Variants in GOLGA8A observed in about 807,000 individuals in gnomAD.
GOLGA8A encodes the protein golgin subfamily A member 8A.
GOLGA8A carries 3 observed loss-of-function variants against 22.1 expected under a neutral mutation model. The observed-to-expected ratio is 0.14, with a 90% CI of 0.06 to 0.35. GOLGA8A has a LOEUF of 0.35. Ranked by LOEUF, GOLGA8A falls within the 10% of genes least tolerant of loss-of-function variation. The pLI is 1.00. For synonymous variants in GOLGA8A, 7 were observed against 91.7 expected, an observed-to-expected ratio of 0.08 and a Z score of 5.28; for missense variants, 16 against 233.2, an observed-to-expected ratio of 0.07 and a Z score of 6.07.
chr15:34,412,731 C>T (rs1892483544), intron 2 of GOLGA8A, among the ~76,000 whole-genome samples: 1 of 140,334 alleles, frequency 7.1e-6, no homozygotes, highest in South Asian at 2.6e-4. Flanking sequence ...AGCCATTCCC[C>T]AGCCCTCAAA....
At chr15:34,424,867 A>C (rs1892919952) in intron 2 of GOLGA8A, among the ~76,000 whole-genome samples, 1 of 135,564 alleles carries the variant, frequency 7.4e-6, no homozygotes, top group Admixed American at 7.8e-5. Context: ...TGGGAGGCCA[A>C]GGCAAGAGGA....
Position 34,431,310 on chromosome 15 carries a change from T to C in GOLGA8A, c.-1123+4073A>G, listed in dbSNP as rs1181075604. The stretch of plus-strand genomic sequence containing the variant: ...AAAAAATTATATATATATATATATA[T>C]ACATATATATATATATATATATATA... On this transcript the variant is annotated intron_variant, in intron 2 of 24. Transcript: ENST00000359187. Among the ~76,000 whole-genome samples the C allele has an allele frequency of 2.7e-3, 68 of 25,536 alleles. 5 individuals are homozygous for C. The highest frequency in any genetic ancestry group is 8.9e-3 in the African/African-American group (62 of 6,936). 16.8% of individuals were successfully genotyped at this position (25,536 alleles called of 152,430 possible). A position where few individuals can be genotyped will look rare whatever the true frequency, so the allele number is the denominator to read the frequency against.
intron 2 of GOLGA8A, among the ~76,000 whole-genome samples, chr15:34,424,563 C>T (rs1892907804): frequency 7.0e-6 from 1 of 142,966 alleles, no homozygotes; most frequent in Non-Finnish European, 1.5e-5. Flanking sequence ...GAAAACAAGG[C>T]AAGAGGAGGG....
At chr15:34,432,374 A>G (rs547633427) in intron 2 of GOLGA8A, among the ~76,000 whole-genome samples, 9 of 148,668 alleles carry the variant, frequency 6.1e-5, no homozygotes, top group Admixed American at 2.0e-4. Flanking sequence ...CCCCAGCAGG[A>G]GACAGGGACA....
intron 2 of GOLGA8A, among the ~76,000 whole-genome samples, chr15:34,422,704 CGTGCGCTT>C (rs1333595655): frequency 3.4e-5 from 3 of 89,094 alleles, no homozygotes; most frequent in Admixed American, 1.5e-4. Flanking sequence ...CGCTCGCGCT[CGTGCGCTT>C]GTGCGCTCTC....
chr15:34,410,773 C>G (rs1375460307), intron 2 of GOLGA8A, among the ~76,000 whole-genome samples: 1 of 110,136 alleles, frequency 9.1e-6, no homozygotes, highest in Non-Finnish European at 2.0e-5. Context: ...GATGCTCCGG[C>G]CACTCTTAAG....
chr15:34,433,760 G>C (rs1270668582), intron 2 of GOLGA8A, among the ~76,000 whole-genome samples: 1 of 149,778 alleles, frequency 6.7e-6, no homozygotes, highest in Non-Finnish European at 1.5e-5. Context: ...TGGGGATCCA[G>C]AGGTGAACAA....
At chr15:34,421,255 T>C (rs1158554548) in intron 2 of GOLGA8A, among the ~76,000 whole-genome samples, 1 of 142,888 alleles carries the variant, frequency 7.0e-6, no homozygotes, top group Non-Finnish European at 1.5e-5. Flanking sequence ...CTACTAATTT[T>C]CCATTAAACG....
chr15:34,431,087 C>A (rs574750304), intron 2 of GOLGA8A, among the ~76,000 whole-genome samples: 1 of 148,666 alleles, frequency 6.7e-6, no homozygotes, highest in Non-Finnish European at 1.5e-5. Flanking sequence ...TAAATGCATG[C>A]GGTTACTCAA....
At position 34,379,209 on chromosome 15, in the gene GOLGA8A, A is replaced by G. The variant is rs1386225195; in HGVS notation, c.*2202T>C. On this transcript the variant is annotated 3_prime_UTR_variant, in exon 25 of 25. Transcript: ENST00000359187. ...ATACATTGGTAAAATTCATTCTAAGAAAACTTGGCAAATAACGCTTTGGCC... is the reference window on the plus strand; with the variant it reads ...ATACATTGGTAAAATTCATTCTAAGGAAACTTGGCAAATAACGCTTTGGCC... 6.6e-6 allele frequency: 1 copy of G among 152,668 alleles called. No individual in the cohort carries two copies. Among genetic ancestry groups the G allele is most frequent in the Admixed American group, 6.5e-5 (1 of 15,294 alleles). 9.5% of individuals were successfully genotyped at this position (152,668 alleles called of 1,614,324 possible).
intron 2 of GOLGA8A, 88 bp downstream of exon 2, chr15:34,435,295 G>C (rs925362903): frequency 1.3e-5 from 2 of 149,384 alleles, no homozygotes; most frequent in East Asian, 2.0e-4. Context: ...TTTTTCCTCT[G>C]ACTTCCTCAG....
At chr15:34,408,385 TACCACAC>T (rs1892267387) in intron 2 of GOLGA8A, among the ~76,000 whole-genome samples, 1 of 34,996 alleles carries the variant, frequency 2.9e-5, no homozygotes, top group Non-Finnish European at 6.5e-5. Flanking sequence ...CCACACCACA[TACCACAC>T]ACCATACACA....
At chr15:34,437,156 C>A (rs1893563513) in intron 1 of GOLGA8A, among the ~76,000 whole-genome samples, 1 of 147,450 alleles carries the variant, frequency 6.8e-6, no homozygotes, top group African/African-American at 2.5e-5. Flanking sequence ...GTCCCCGCCG[C>A]ACCCGCCCGC....
chr15:34,432,452 C>T (rs115915463), intron 2 of GOLGA8A, among the ~76,000 whole-genome samples: 1 of 149,002 alleles, frequency 6.7e-6, no homozygotes, highest in Admixed American at 6.8e-5. Context: ...CAGCCGAGTG[C>T]TCTTAGGCAA....
intron 2 of GOLGA8A, among the ~76,000 whole-genome samples, chr15:34,432,767 C>T (rs1160997261): frequency 2.7e-5 from 4 of 148,910 alleles, no homozygotes; most frequent in African/African-American, 9.9e-5. Context: ...ACAACAGATG[C>T]ACCACCTTAC....
intron 2 of GOLGA8A, among the ~76,000 whole-genome samples, chr15:34,426,362 ATATG>A (rs1265303878): frequency 1.3e-5 from 2 of 148,388 alleles, no homozygotes; most frequent in African/African-American, 2.5e-5. Context: ...TACTTTTAAA[ATATG>A]TATGTATTTA....
intron 2 of GOLGA8A, among the ~76,000 whole-genome samples, chr15:34,428,127 A>G (rs7168439): frequency 0.072 from 10,039 of 139,848 alleles, 753 homozygotes; most frequent in South Asian, 0.2. Flanking sequence ...AGAAGTTCTC[A>G]CTCTGTCACC....
intron 2 of GOLGA8A, among the ~76,000 whole-genome samples, chr15:34,426,258 C>A (rs1437451581): frequency 6.7e-6 from 1 of 149,770 alleles, no homozygotes; most frequent in Non-Finnish European, 1.5e-5. Context: ...ACGCTGCTTG[C>A]GCAAAGGACA....
chr15:34,429,266 C>T lies in GOLGA8A; in HGVS notation c.-1123+6117G>A, dbSNP rs1306813631. ...TGGTAAAATATGTGTTGTTATTGGC[C>T]CACCTACTTTGCTCCCAACCCACAG... On this transcript the variant is annotated intron_variant, in intron 2 of 24. Transcript: ENST00000359187. 2.7e-5 allele frequency among the ~76,000 whole-genome samples: 4 copies of T among 146,886 alleles called. 1 individual carries two copies. Among genetic ancestry groups the T allele is most frequent in the African/African-American group, 7.5e-5 (3 of 39,784 alleles).
Sources: gnomAD v4.1 joint callset for allele counts (sites outside exome capture counted in the v4.1 genomes callset) on GRCh38, gnomAD v4.1.1 for gene constraint, MANE v1.5 for transcripts, NCBI Gene and HGNC (gene_info 2026-07-23, HGNC 2026-07-21) for gene names.